Variants in RABGAP1L observed in about 807,000 individuals in gnomAD.
RABGAP1L encodes rab GTPase-activating protein 1-like.
A neutral mutation model predicts 137.7 loss-of-function variants in RABGAP1L; 63 were observed. That is an observed-to-expected ratio of 0.46 (90% confidence interval 0.37 to 0.56). The LOEUF (loss-of-function observed/expected upper bound fraction) is 0.56, where lower values mean the gene tolerates loss of function less well. Among genes scored for constraint, RABGAP1L ranks in the 20% least tolerant of loss-of-function variants. The probability of loss-of-function intolerance (pLI) is 0.00; values close to 1 mark genes in which losing one functional copy is unlikely to be tolerated. For synonymous variants in RABGAP1L, 431 were observed against 433.7 expected (o/e 0.99, Z 0.08); for missense variants, 1,095 against 1,244.0 (o/e 0.88, Z 1.80).
At chr1:174,935,310 A>C (rs1174336422) in intron 19 of RABGAP1L, 1 of 152,176 alleles carries the variant, frequency 6.6e-6, no homozygotes, top group African/African-American at 2.4e-5. Context: ...TTCTGAGTTT[A>C]TGTGATTAAG....
At chr1:174,552,863 G>T (rs12063545) in intron 13 of RABGAP1L, among the ~76,000 whole-genome samples, 53,675 of 152,036 alleles carry the variant, frequency 0.35, 12,130 homozygotes, top group African/African-American at 0.64. Flanking sequence ...GCGTTCGTTT[G>T]TCTCCATAAC....
intron 13 of RABGAP1L, among the ~76,000 whole-genome samples, chr1:174,496,247 C>T (rs1433710056): frequency 6.6e-6 from 1 of 152,108 alleles, no homozygotes; most frequent in Non-Finnish European, 1.5e-5. Context: ...GAAGGAAAAT[C>T]CTTTCCAGTG....
At chr1:174,623,909 T>G (rs1017897065) in intron 13 of RABGAP1L, among the ~76,000 whole-genome samples, 5 of 152,164 alleles carry the variant, frequency 3.3e-5, no homozygotes, top group African/African-American at 1.2e-4. Flanking sequence ...TAAGGTTAAT[T>G]TTTCACTACA....
chr1:174,974,890 A>T (rs1670515780), intron 21 of RABGAP1L, among the ~76,000 whole-genome samples: 1 of 152,232 alleles, frequency 6.6e-6, no homozygotes, highest in Non-Finnish European at 1.5e-5. Flanking sequence ...GCCCATCTGG[A>T]CATGTGGGAG....
chr1:174,463,324 AT>A (rs367610580), intron 13 of RABGAP1L, among the ~76,000 whole-genome samples: 13,589 of 152,188 alleles, frequency 0.089, 812 homozygotes, highest in East Asian at 0.21. Flanking sequence ...ATGGAATACT[AT>A]GCAGCCATAA....
chr1:174,243,572 G>A (rs990907182), intron 5 of RABGAP1L, among the ~76,000 whole-genome samples: 1 of 152,098 alleles, frequency 6.6e-6, no homozygotes, highest in Non-Finnish European at 1.5e-5. Context: ...AGTTCTAAAT[G>A]AGGAATAACC....
At chr1:174,507,960 G>A (rs1161299903) in intron 13 of RABGAP1L, among the ~76,000 whole-genome samples, 1 of 152,078 alleles carries the variant, frequency 6.6e-6, no homozygotes, top group African/African-American at 2.4e-5. Context: ...CCCAGTAAAG[G>A]CATGCTTTAA....
chr1:174,773,914 A>G (rs1686318379), intron 18 of RABGAP1L, among the ~76,000 whole-genome samples: 1 of 152,214 alleles, frequency 6.6e-6, no homozygotes, highest in Non-Finnish European at 1.5e-5. Context: ...CAGAGGATTC[A>G]CTGCCCAATA....
chr1:174,317,614 G>A (rs1679502378), intron 11 of RABGAP1L, among the ~76,000 whole-genome samples: 1 of 152,096 alleles, frequency 6.6e-6, no homozygotes, highest in South Asian at 2.1e-4. Flanking sequence ...GTTAGGGGAG[G>A]GGTGATACTA....
intron 13 of RABGAP1L, among the ~76,000 whole-genome samples, chr1:174,548,907 A>C (rs927766681): frequency 2.0e-5 from 3 of 152,230 alleles, no homozygotes; most frequent in Non-Finnish European, 4.4e-5. Flanking sequence ...TAGTGATCTA[A>C]AGTTTTTAAT....
intron 13 of RABGAP1L, among the ~76,000 whole-genome samples, chr1:174,588,580 C>T (rs1430097089): frequency 6.6e-6 from 1 of 152,144 alleles, no homozygotes; most frequent in Non-Finnish European, 1.5e-5. Flanking sequence ...ACCCATTAAA[C>T]ATCTCCACTT....
intron 17 of RABGAP1L, among the ~76,000 whole-genome samples, chr1:174,717,725 A>C (rs1681141013): frequency 6.6e-6 from 1 of 152,106 alleles, no homozygotes; most frequent in African/African-American, 2.4e-5. Flanking sequence ...ATTTTTTTCC[A>C]AAATCAGTAT....
chr1:174,904,765 T>C (rs1488267005), intron 19 of RABGAP1L, among the ~76,000 whole-genome samples: 1 of 152,102 alleles, frequency 6.6e-6, no homozygotes, highest in East Asian at 1.9e-4. Flanking sequence ...TCCTCCTACC[T>C]CAGCCTCCTG....
In RABGAP1L at chr1:174,978,817, T is replaced by C. The variant is rs777466797; in HGVS notation, c.2660T>C (p.Val887Ala). ...QEEETAQLKE[V>A]FRKQLEKAEY... is the part of the protein sequence containing the mutation. ...TTCTATTCTTTCTAGCTAAAAGAAG[T>C]CTTCAGGAAACAGCTAGAGAAGGCA... Residue 887 changes from valine (V) to alanine (A), a missense_variant, in exon 23 of 26, where the codon GTC becomes GCC. Transcript: ENST00000681986. The C allele has an allele frequency of 5.9e-6, 9 of 1,534,672 alleles. No homozygotes were observed. The East Asian group carries it at 7.4e-5, about 13-fold the overall frequency.
chr1:174,721,780 G>A (rs1002559857), intron 17 of RABGAP1L, among the ~76,000 whole-genome samples: 13 of 152,080 alleles, frequency 8.5e-5, no homozygotes, highest in African/African-American at 2.9e-4. Flanking sequence ...GTTGATAAAT[G>A]GTATATGATC....
intron 1 of RABGAP1L, among the ~76,000 whole-genome samples, chr1:174,166,273 A>C (rs1664901832): frequency 6.6e-6 from 1 of 152,120 alleles, no homozygotes; most frequent in East Asian, 1.9e-4. Flanking sequence ...TTAGCGTCAA[A>C]TTGGCTGTAG....
intron 19 of RABGAP1L, among the ~76,000 whole-genome samples, chr1:174,839,037 G>GTGTGTGTGTT (rs1553261097): frequency 2.8e-5 from 4 of 142,558 alleles, no homozygotes; most frequent in South Asian, 4.6e-4. Context: ...ACGTGTGTGT[G>GTGTGTGTGTT]TGTGTGTGTG....
At chr1:174,924,032 G>A (rs1209818664) in intron 19 of RABGAP1L, among the ~76,000 whole-genome samples, 1 of 152,100 alleles carries the variant, frequency 6.6e-6, no homozygotes, top group Non-Finnish European at 1.5e-5. Context: ...ATTACACCTG[G>A]TTCAGGGCTT....
At chr1:174,938,787 C>A (rs1027050150) in intron 19 of RABGAP1L, among the ~76,000 whole-genome samples, 2 of 152,208 alleles carry the variant, frequency 1.3e-5, no homozygotes, top group African/African-American at 2.4e-5. Flanking sequence ...GGTCTTTCAA[C>A]TCCTGTTCCC....
Sources: gnomAD v4.1 joint callset for allele counts (sites outside exome capture counted in the v4.1 genomes callset) on GRCh38, gnomAD v4.1.1 for gene constraint, MANE v1.5 for transcripts, NCBI Gene and HGNC (gene_info 2026-07-23, HGNC 2026-07-21) for gene names.